The following NRXN1 variants were observed in gnomAD, a reference collection of about 807,000 sequenced individuals.
The protein encoded by NRXN1 is neurexin 1, also known as neurexin-1.
A neutral mutation model predicts 150.9 loss-of-function variants in NRXN1; 39 were observed. The observed-to-expected ratio is 0.26, with a 90% CI of 0.20 to 0.34. The LOEUF (loss-of-function observed/expected upper bound fraction) is 0.34, where lower values mean the gene tolerates loss of function less well. Among genes scored for constraint, NRXN1 ranks in the 10% least tolerant of loss-of-function variants. The pLI, the probability that NRXN1 is intolerant of heterozygous loss-of-function variation, is 1.00. For missense variants in NRXN1, 1,815 were observed against 1,949.9 expected, an observed-to-expected ratio of 0.93 and a Z score of 1.30; for synonymous variants, 924 against 757.0, an observed-to-expected ratio of 1.22 and a Z score of -3.62.
At chr2:51,026,762 G>A (rs1451087846) in intron 2 of NRXN1, among the ~76,000 whole-genome samples, 1 of 152,124 alleles carries the variant, frequency 6.6e-6, no homozygotes, top group East Asian at 1.9e-4. Flanking sequence ...AACGTCAGCT[G>A]ACCTCACACT....
intron 5 of NRXN1, among the ~76,000 whole-genome samples, chr2:50,677,667 A>T (rs1689749601): frequency 6.6e-6 from 1 of 152,112 alleles, no homozygotes; most frequent in Non-Finnish European, 1.5e-5. Flanking sequence ...AAGCACATAT[A>T]AAAGACAATT....
chr2:50,739,015 C>T (rs931561019), intron 5 of NRXN1, among the ~76,000 whole-genome samples: 1 of 152,116 alleles, frequency 6.6e-6, no homozygotes, highest in Non-Finnish European at 1.5e-5. Flanking sequence ...CTCTATTAGG[C>T]CTAGCCTGGA....
intron 2 of NRXN1, among the ~76,000 whole-genome samples, chr2:51,003,894 T>C (rs556756809): frequency 1.3e-5 from 2 of 152,092 alleles, no homozygotes; most frequent in African/African-American, 4.8e-5. Flanking sequence ...TATTTTCTAC[T>C]TACCATTTTA....
chr2:49,973,019 T>A (rs934854930), intron 21 of NRXN1: 1 of 152,200 alleles, frequency 6.6e-6, no homozygotes, highest in African/African-American at 2.4e-5. Flanking sequence ...CTAGGGAATG[T>A]TTGAATGCCA....
chr2:50,432,527 T>C (rs1210558195), intron 17 of NRXN1, among the ~76,000 whole-genome samples: 1 of 152,204 alleles, frequency 6.6e-6, no homozygotes, highest in African/African-American at 2.4e-5. Context: ...TAAGTATATT[T>C]ATAATCTGGT....
intron 5 of NRXN1, among the ~76,000 whole-genome samples, chr2:50,767,845 TA>T (rs1308394253): frequency 2.0e-5 from 3 of 152,082 alleles, no homozygotes; most frequent in Non-Finnish European, 4.4e-5. Context: ...AATATTTAAG[TA>T]ATCCTAATTA....
chr2:50,968,214 T>G (rs776774923), intron 2 of NRXN1, among the ~76,000 whole-genome samples: 12 of 152,084 alleles, frequency 7.9e-5, no homozygotes, highest in Non-Finnish European at 1.2e-4. Flanking sequence ...CTTTTCATTT[T>G]GGTACATGAT....
chr2:50,539,153 T>G (rs997251924), intron 9 of NRXN1, among the ~76,000 whole-genome samples: 1 of 145,548 alleles, frequency 6.9e-6, no homozygotes, highest in Non-Finnish European at 1.5e-5. Flanking sequence ...ATAAACCTAT[T>G]GATTAACTTA....
intron 17 of NRXN1, among the ~76,000 whole-genome samples, chr2:50,411,097 C>T (rs901612962): frequency 3.3e-5 from 5 of 151,648 alleles, no homozygotes; most frequent in Non-Finnish European, 5.9e-5. Flanking sequence ...TGATGCCGAG[C>T]GGAGGCTGGA....
chr2:50,250,978 T>C (rs948927952), intron 17 of NRXN1, among the ~76,000 whole-genome samples: 3 of 149,192 alleles, frequency 2.0e-5, no homozygotes, highest in African/African-American at 7.4e-5. Flanking sequence ...ACACATTGCA[T>C]ATGTAATAAA....
intron 17 of NRXN1, among the ~76,000 whole-genome samples, chr2:50,441,917 G>A (rs2085986901): frequency 6.6e-6 from 1 of 152,104 alleles, no homozygotes; most frequent in Admixed American, 6.6e-5. Context: ...AAAGAATCAT[G>A]GGATGATATG....
chr2:50,074,150 G>C (rs973955278), intron 19 of NRXN1, among the ~76,000 whole-genome samples: 11 of 151,930 alleles, frequency 7.2e-5, no homozygotes, highest in Non-Finnish European at 1.6e-4. Flanking sequence ...TGAGCTAAGG[G>C]ACCCCAACAC....
chr2:50,155,193 C>T (rs1197365164), intron 18 of NRXN1, among the ~76,000 whole-genome samples: 1 of 151,588 alleles, frequency 6.6e-6, no homozygotes, highest in Non-Finnish European at 1.5e-5. Context: ...CACTAAAATA[C>T]TATCCAGTTG....
chr2:50,584,188 C>A (rs998509966), intron 8 of NRXN1, among the ~76,000 whole-genome samples: 1 of 152,056 alleles, frequency 6.6e-6, no homozygotes. Flanking sequence ...CCATAAATCC[C>A]CAAAGATAAT....
intron 12 of NRXN1, among the ~76,000 whole-genome samples, chr2:50,513,298 G>T (rs1179004494): frequency 6.6e-6 from 1 of 152,126 alleles, no homozygotes; most frequent in East Asian, 1.9e-4. Context: ...ATGGTTGACA[G>T]TCAAATACAC....
intron 8 of NRXN1, among the ~76,000 whole-genome samples, chr2:50,602,721 C>A (rs148904493): frequency 6.6e-6 from 1 of 151,862 alleles, no homozygotes; most frequent in African/African-American, 2.4e-5. Flanking sequence ...TGTATTCTGG[C>A]AAAAAAGGAA....
At chr2:50,385,219 A>C (rs1475964496) in intron 17 of NRXN1, among the ~76,000 whole-genome samples, 1 of 152,174 alleles carries the variant, frequency 6.6e-6, no homozygotes, top group Non-Finnish European at 1.5e-5. Context: ...TAAGAAATGA[A>C]TCTCCATTGC....
chr2:50,675,332 C>T (rs778226726), intron 5 of NRXN1, among the ~76,000 whole-genome samples: 2 of 152,132 alleles, frequency 1.3e-5, no homozygotes, highest in Non-Finnish European at 2.9e-5. Flanking sequence ...CTGCTTGCGT[C>T]TAACGTGCTC....
chr2:51,017,380 G>A (rs1668850745), intron 2 of NRXN1, among the ~76,000 whole-genome samples: 1 of 150,442 alleles, frequency 6.6e-6, no homozygotes, highest in Non-Finnish European at 1.5e-5. Context: ...CGGTTGCTCA[G>A]GCTGGAGTGC....
Sources: allele counts gnomAD v4.1 joint callset (sites outside exome capture counted in the v4.1 genomes callset), GRCh38; gene constraint gnomAD v4.1.1; transcripts MANE v1.5; gene names NCBI Gene and HGNC (gene_info 2026-07-23, HGNC 2026-07-21).